SCHIP1: variants seen among roughly 807,000 people sequenced by gnomAD.
SCHIP1 encodes schwannomin-interacting protein 1.
Under a neutral mutation model 29.7 loss-of-function variants are expected in SCHIP1, and 8 were observed. That is an observed-to-expected ratio of 0.27 (90% CI 0.16 to 0.49). The LOEUF is 0.49. Among genes scored for constraint, SCHIP1 ranks in the 20% least tolerant of loss-of-function variants. The pLI, the probability that SCHIP1 is intolerant of heterozygous loss-of-function variation, is 0.99. For missense variants in SCHIP1, 193 were observed against 294.6 expected (o/e 0.66, Z 2.52); for synonymous variants, 76 against 94.9 (o/e 0.80, Z 1.16).
chr3:159,640,633 C>A, the SCHIP1 span, among the ~76,000 whole-genome samples: 1 of 152,216 alleles, frequency 6.6e-6, no homozygotes, highest in African/African-American at 2.4e-5. Context: ...TAATCATTCA[C>A]CCCAAAACAA....
the SCHIP1 span, among the ~76,000 whole-genome samples, chr3:159,657,930 C>G: frequency 4.6e-5 from 7 of 152,364 alleles, no homozygotes; most frequent in African/African-American, 1.7e-4. Context: ...CAGGGTCCCA[C>G]CAAAGGCGTT....
rs758320425 is a variant in SCHIP1, at chr3:159,866,120, A to G, written c.31-43A>G. On this transcript the variant is annotated intron_variant, in intron 1 of 6. Coordinates refer to ENST00000445224, the Ensembl canonical transcript of SCHIP1. ...GTTAGACTGCCTGTGGTTGTGCTATATCTGCCCACTTATCAGCATTTTTTA... is the reference window on the plus strand; with the variant it reads ...GTTAGACTGCCTGTGGTTGTGCTATGTCTGCCCACTTATCAGCATTTTTTA... 8 of 1,583,212 alleles carry G rather than the reference A, an allele frequency of 5.1e-6. No individual in the cohort carries two copies. In the South Asian group the frequency reaches 7.8e-5, roughly 15 times the overall value.
intron 1 of SCHIP1, among the ~76,000 whole-genome samples, chr3:159,858,397 G>T (rs1484142647): frequency 2.0e-5 from 3 of 152,118 alleles, no homozygotes; most frequent in Non-Finnish European, 4.4e-5. Flanking sequence ...TTTCTGCAAG[G>T]TTCCCATTGT....
the SCHIP1 span, among the ~76,000 whole-genome samples, chr3:159,717,708 T>C: frequency 6.6e-6 from 1 of 152,040 alleles, no homozygotes; most frequent in Middle Eastern, 3.2e-3. Flanking sequence ...AATAGACCAA[T>C]AACAGGCTCT....
chr3:159,503,270 T>C, the SCHIP1 span, among the ~76,000 whole-genome samples: 1 of 152,202 alleles, frequency 6.6e-6, no homozygotes, highest in Non-Finnish European at 1.5e-5. Context: ...TATTTGTTCT[T>C]TTCCTTTTCT....
the SCHIP1 span, among the ~76,000 whole-genome samples, chr3:159,612,860 A>G: frequency 6.6e-6 from 1 of 152,346 alleles, no homozygotes; most frequent in East Asian, 1.9e-4. Context: ...TCAGATGAAG[A>G]TGTTGAGATA....
the SCHIP1 span, among the ~76,000 whole-genome samples, chr3:159,481,371 T>C: frequency 1.3e-5 from 2 of 152,162 alleles, no homozygotes; most frequent in African/African-American, 4.8e-5. Context: ...AAGAGATCAC[T>C]AAGATAGAGT....
chr3:159,551,345 C>A, the SCHIP1 span, among the ~76,000 whole-genome samples: 1 of 152,084 alleles, frequency 6.6e-6, no homozygotes, highest in Admixed American at 6.6e-5. Flanking sequence ...TGCACCACAC[C>A]AAATCCCATC....
intron 3 of SCHIP1, 186 bp from the exon 5 acceptor site, chr3:159,887,522 A>G (rs1717080670): frequency 1.5e-6 from 1 of 647,306 alleles, no homozygotes; most frequent in East Asian, 2.6e-5. Flanking sequence ...TGTTTATGCT[A>G]AAATCTATTT....
chr3:159,498,588 A>G, the SCHIP1 span, among the ~76,000 whole-genome samples: 14 of 152,118 alleles, frequency 9.2e-5, no homozygotes, highest in Admixed American at 7.2e-4. Flanking sequence ...CCATTCTTCA[A>G]CATTAGGGAA....
the SCHIP1 span, among the ~76,000 whole-genome samples, chr3:159,442,726 GGCCTTGCT>G: frequency 3.7e-4 from 56 of 152,268 alleles, no homozygotes; most frequent in Non-Finnish European, 6.6e-4. Context: ...GAGAGGCAGT[GGCCTTGCT>G]AAGAGGCTAC....
chr3:159,414,438 C>T, the SCHIP1 span, among the ~76,000 whole-genome samples: 16 of 151,464 alleles, frequency 1.1e-4, no homozygotes, highest in Admixed American at 4.6e-4. Flanking sequence ...TATTTGAGTC[C>T]GAAGCCACAC....
At chr3:159,556,962 ATT>A in the SCHIP1 span, among the ~76,000 whole-genome samples, 1 of 146,128 alleles carries the variant, frequency 6.8e-6, no homozygotes. Context: ...AAAAAAAAAG[ATT>A]TTTTTTTTTT....
At chr3:159,535,626 G>C in the SCHIP1 span, among the ~76,000 whole-genome samples, 1 of 152,200 alleles carries the variant, frequency 6.6e-6, no homozygotes, top group Non-Finnish European at 1.5e-5. Flanking sequence ...GTGGGTAATA[G>C]AGTAAAGACA....
At chr3:159,691,064 T>C in the SCHIP1 span, among the ~76,000 whole-genome samples, 2 of 152,214 alleles carry the variant, frequency 1.3e-5, no homozygotes, top group African/African-American at 4.8e-5. Flanking sequence ...AGAATGTATA[T>C]TCTGTTGATT....
At chr3:159,696,358 G>A in the SCHIP1 span, among the ~76,000 whole-genome samples, 1 of 152,058 alleles carries the variant, frequency 6.6e-6, no homozygotes, top group Non-Finnish European at 1.5e-5. Context: ...CCTTCTTTCT[G>A]TGAATAGTGA....
chr3:159,840,165 G>A, exon 1 of SCHIP1: 1 of 1,535,452 alleles, frequency 6.5e-7, no homozygotes, highest in Non-Finnish European at 8.7e-7. Context: ...GTTGGGGTCT[G>A]CGCCCTAGGA....
chr3:159,758,696 C>T, the SCHIP1 span, among the ~76,000 whole-genome samples: 1 of 152,236 alleles, frequency 6.6e-6, no homozygotes, highest in African/African-American at 2.4e-5. Context: ...GTACACTGCA[C>T]AACTCCAGAG....
chr3:159,839,928 T>G, exon 1 of SCHIP1: 1 of 1,408,150 alleles, frequency 7.1e-7, no homozygotes, highest in Non-Finnish European at 9.2e-7. Context: ...CCCAGCCCGG[T>G]CCCAGCTCCA....
Sources: allele counts gnomAD v4.1 joint callset (sites outside exome capture counted in the v4.1 genomes callset), GRCh38; gene constraint gnomAD v4.1.1; transcripts MANE v1.5; gene names NCBI Gene and HGNC (gene_info 2026-07-23, HGNC 2026-07-21).